Variants in RIMS1 observed in about 807,000 individuals in gnomAD.
RIMS1 encodes the protein regulating synaptic membrane exocytosis 1, also known as regulating synaptic membrane exocytosis protein 1.
RIMS1 carries 83 observed loss-of-function variants against 214.1 expected under a neutral mutation model. The observed-to-expected ratio is 0.39, with a 90% CI of 0.32 to 0.47. RIMS1 has a LOEUF of 0.47. Among genes scored for constraint, RIMS1 ranks in the 20% least tolerant of loss-of-function variants. The pLI, the probability that RIMS1 is intolerant of heterozygous loss-of-function variation, is 0.99. For synonymous variants in RIMS1, 793 were observed against 786.8 expected (o/e 1.01, Z -0.13); for missense variants, 2,050 against 2,161.8 (o/e 0.95, Z 1.03).
chr6:72,024,782 A>ATTTTTCCTATTAC (rs1815839984), intron 2 of RIMS1, among the ~76,000 whole-genome samples: 2 of 152,020 alleles, frequency 1.3e-5, no homozygotes, highest in Non-Finnish European at 2.9e-5. Flanking sequence ...TTTTTTCTGA[A>ATTTTTCCTATTAC]TAGAATAGTA....
chr6:72,109,200 T>A (rs1587173669), intron 4 of RIMS1, among the ~76,000 whole-genome samples: 1 of 152,126 alleles, frequency 6.6e-6, no homozygotes, highest in East Asian at 1.9e-4. Context: ...ATTCATAGTC[T>A]TTTGGGTATA....
intron 2 of RIMS1, among the ~76,000 whole-genome samples, chr6:72,070,704 G>T (rs978365489): frequency 2.6e-5 from 4 of 152,126 alleles, no homozygotes; most frequent in African/African-American, 9.7e-5. Flanking sequence ...GGGTAGAGCC[G>T]CAACTTTACA....
intron 27 of RIMS1, among the ~76,000 whole-genome samples, chr6:72,308,792 C>T (rs914884796): frequency 6.6e-5 from 10 of 152,028 alleles, no homozygotes; most frequent in African/African-American, 2.2e-4. Context: ...CCTGATGTCC[C>T]GTAGTATTGC....
At chr6:72,325,331 T>C (rs1210460389) in intron 28 of RIMS1, among the ~76,000 whole-genome samples, 1 of 151,728 alleles carries the variant, frequency 6.6e-6, no homozygotes, top group Non-Finnish European at 1.5e-5. Flanking sequence ...ATTTACAGTT[T>C]ATGTGATTAT....
chr6:72,232,364 G>A (rs1315271770), intron 6 of RIMS1, among the ~76,000 whole-genome samples: 2 of 151,712 alleles, frequency 1.3e-5, no homozygotes, highest in African/African-American at 4.8e-5. Flanking sequence ...ATACTAAAGA[G>A]AGAGCTACTT....
At chr6:72,094,576 G>A (rs1325081216) in intron 2 of RIMS1, among the ~76,000 whole-genome samples, 1 of 152,082 alleles carries the variant, frequency 6.6e-6, no homozygotes, top group African/African-American at 2.4e-5. Context: ...ACTACTATCT[G>A]TTTTTGTAAA....
chr6:71,995,083 A>G (rs986583433), intron 2 of RIMS1, among the ~76,000 whole-genome samples: 5 of 115,584 alleles, frequency 4.3e-5, no homozygotes, highest in African/African-American at 1.6e-4. Context: ...CACTCTTTCT[A>G]TCATGAAGGG....
intron 1 of RIMS1, among the ~76,000 whole-genome samples, chr6:71,915,630 T>A (rs1485543903): frequency 6.6e-6 from 1 of 152,142 alleles, no homozygotes; most frequent in Non-Finnish European, 1.5e-5. Flanking sequence ...CTGACTCAGT[T>A]TCCTCTTCTC....
Position 72,328,178 on chromosome 6 carries a change from A to G in RIMS1, c.4131-5422A>G, listed in dbSNP as rs148711573. ...AGGGACATGGATGAAGCTGGAAATC[A>G]TCATTCTCAGCAAACTAACACAGGA... On this transcript the variant is annotated intron_variant, in intron 28 of 33. Transcript: ENST00000521978. Among the ~76,000 whole-genome samples the G allele has an allele frequency of 4.0e-3, 608 of 152,018 alleles. 6 individuals are homozygous for G. The highest frequency in any genetic ancestry group is 0.014 in the African/African-American group (568 of 41,516).
intron 10 of RIMS1, among the ~76,000 whole-genome samples, chr6:72,245,256 A>G (rs1461952568): frequency 2.0e-5 from 3 of 151,726 alleles, no homozygotes; most frequent in Non-Finnish European, 4.4e-5. Context: ...ATGTGTATAT[A>G]TATTATATAT....
intron 24 of RIMS1, among the ~76,000 whole-genome samples, chr6:72,288,267 A>G (rs564166965): frequency 2.0e-5 from 3 of 152,328 alleles, no homozygotes; most frequent in South Asian, 4.1e-4. Flanking sequence ...AATAGTAGTA[A>G]TAACGCTTCT....
intron 19 of RIMS1, chr6:72,262,485 CA>C (rs1425486180): frequency 2.0e-6 from 2 of 985,136 alleles, no homozygotes; most frequent in Non-Finnish European, 2.4e-6. Context: ...CCAAATGTGT[CA>C]GTGCGAAACA....
At chr6:72,377,246 C>A (rs77572124) in intron 29 of RIMS1, among the ~76,000 whole-genome samples, 1 of 152,108 alleles carries the variant, frequency 6.6e-6, no homozygotes. Flanking sequence ...AGTGTCCTTG[C>A]GCACGTGTTC....
At chr6:72,144,531 A>G (rs1242418752) in intron 4 of RIMS1, among the ~76,000 whole-genome samples, 2 of 152,180 alleles carry the variant, frequency 1.3e-5, no homozygotes, top group South Asian at 2.1e-4. Context: ...GGCTGCTGAC[A>G]TGAACAGATA....
rs1035233717 is a variant in RIMS1, at chr6:72,004,713, G to C, written c.245+35650G>C. ...ATATCCTTTGCCCACTTTTTGATGG[G>C]GTTGTTTGTTTTTTTCTTGTAAATT... On this transcript the variant is annotated intron_variant, in intron 2 of 33. Coordinates refer to ENST00000521978, the MANE Select transcript of RIMS1 (RefSeq NM_014989.7). Among the ~76,000 whole-genome samples, 424 of 151,744 alleles carry C rather than the reference G, an allele frequency of 2.8e-3. 4 individuals are homozygous for C. The highest frequency in any genetic ancestry group is 8.5e-3 in the African/African-American group (351 of 41,488).
At chr6:71,988,612 G>A (rs565196915) in intron 2 of RIMS1, among the ~76,000 whole-genome samples, 1 of 152,086 alleles carries the variant, frequency 6.6e-6, no homozygotes, top group Non-Finnish European at 1.5e-5. Flanking sequence ...ATAAATTATG[G>A]TATTGCCCTG....
At chr6:71,915,393 T>G (rs1778058323) in intron 1 of RIMS1, among the ~76,000 whole-genome samples, 1 of 152,156 alleles carries the variant, frequency 6.6e-6, no homozygotes, top group African/African-American at 2.4e-5. Context: ...TAGTTCTGAA[T>G]GTAAAAGGCC....
chr6:71,996,263 A>G (rs548719802), intron 2 of RIMS1, among the ~76,000 whole-genome samples: 33 of 152,326 alleles, frequency 2.2e-4, no homozygotes, highest in African/African-American at 7.9e-4. Context: ...AAAATTTTGT[A>G]TTCAACATAT....
intron 4 of RIMS1, among the ~76,000 whole-genome samples, chr6:72,121,200 G>A (rs1433724212): frequency 2.0e-5 from 3 of 151,818 alleles, no homozygotes. Context: ...AAAATCATTG[G>A]TAGCTTGATG....
Sources: gnomAD v4.1 joint callset for allele counts (sites outside exome capture counted in the v4.1 genomes callset) on GRCh38, gnomAD v4.1.1 for gene constraint, MANE v1.5 for transcripts, NCBI Gene and HGNC (gene_info 2026-07-23, HGNC 2026-07-21) for gene names.